Variants in VPS8 observed in about 807,000 individuals in gnomAD.
The protein encoded by VPS8 is vacuolar protein sorting-associated protein 8 homolog.
VPS8 carries 129 observed loss-of-function variants against 216.4 expected under a neutral mutation model. That is an observed-to-expected ratio of 0.60 (90% CI 0.52 to 0.69). The LOEUF is 0.69. VPS8 is among the 30% of genes least tolerant of loss of function. The pLI is 0.00. For synonymous variants in VPS8, 571 were observed against 565.4 expected, an observed-to-expected ratio of 1.01 and a Z score of -0.14; for missense variants, 1,531 against 1,683.5, an observed-to-expected ratio of 0.91 and a Z score of 1.59.
chr3:184,884,486 T>C (rs990990551), intron 21 of VPS8, among the ~76,000 whole-genome samples: 1 of 152,214 alleles, frequency 6.6e-6, no homozygotes, highest in African/African-American at 2.4e-5. Flanking sequence ...ACTAAGGAGA[T>C]AGTATAAATT....
At chr3:184,938,377 CAAAT>C (rs1230739300) in intron 35 of VPS8, among the ~76,000 whole-genome samples, 4 of 152,146 alleles carry the variant, frequency 2.6e-5, no homozygotes, top group African/African-American at 7.2e-5. Flanking sequence ...AGGAAGAAGA[CAAAT>C]AAGCCAAAAG....
chr3:184,893,147 A>G (rs1385781580), intron 22 of VPS8: 1 of 620,962 alleles, frequency 1.6e-6, no homozygotes, highest in East Asian at 1.4e-4. Flanking sequence ...GATTTTCCCT[A>G]GAATGTTGCA....
chr3:184,918,879 C>T (rs1051373681), intron 28 of VPS8, among the ~76,000 whole-genome samples: 2 of 152,190 alleles, frequency 1.3e-5, no homozygotes, highest in Non-Finnish European at 2.9e-5. Flanking sequence ...TGTAGTCCGT[C>T]TTCCTATCTT....
intron 40 of VPS8, 80 bp downstream of exon 40, chr3:184,971,832 T>G: frequency 8.5e-7 from 1 of 1,182,980 alleles, no homozygotes; most frequent in Non-Finnish European, 1.2e-6. Flanking sequence ...CCCAGCACTT[T>G]GGGAGGCCGA....
intron 46 of VPS8, among the ~76,000 whole-genome samples, chr3:185,034,054 C>T (rs1758537742): frequency 6.6e-6 from 1 of 152,168 alleles, no homozygotes; most frequent in South Asian, 2.1e-4. Context: ...ACCCCCCACC[C>T]TCTAGTATTC....
At chr3:184,892,539 C>T (rs1374442042) in intron 22 of VPS8, among the ~76,000 whole-genome samples, 1 of 152,166 alleles carries the variant, frequency 6.6e-6, no homozygotes, top group South Asian at 2.1e-4. Context: ...ACTTTTCTAT[C>T]TCCCCTCTTT....
At chr3:184,970,598 G>A (rs570995798) in intron 39 of VPS8, among the ~76,000 whole-genome samples, 5 of 152,290 alleles carry the variant, frequency 3.3e-5, no homozygotes, top group East Asian at 3.9e-4. Flanking sequence ...AGTAATCAGC[G>A]AGTAAAAAAG....
chr3:184,924,510 C>T (rs1273968517), intron 29 of VPS8, among the ~76,000 whole-genome samples: 1 of 150,072 alleles, frequency 6.7e-6, no homozygotes, highest in African/African-American at 2.5e-5. Context: ...GAACGAGACT[C>T]CATCTCAAAA....
intron 22 of VPS8, among the ~76,000 whole-genome samples, chr3:184,891,982 A>G (rs997629482): frequency 6.6e-6 from 1 of 152,210 alleles, no homozygotes; most frequent in Admixed American, 6.5e-5. Context: ...GTTATAAATG[A>G]TAAACTTCAA....
chr3:184,889,820 G>A (rs1336437102), intron 22 of VPS8, among the ~76,000 whole-genome samples: 2 of 152,092 alleles, frequency 1.3e-5, no homozygotes, highest in Non-Finnish European at 2.9e-5. Flanking sequence ...TCATCAGAAT[G>A]TTAAGATTCT....
chr3:184,818,521 CAAAAAAAA>C (rs11310520), intron 1 of VPS8, among the ~76,000 whole-genome samples: 1 of 89,286 alleles, frequency 1.1e-5, no homozygotes, highest in Non-Finnish European at 2.4e-5. Context: ...GAACCTGTCT[CAAAAAAAA>C]AAAAAAAAAA....
At chr3:184,906,349 G>A (rs1345067908) in intron 25 of VPS8, among the ~76,000 whole-genome samples, 2 of 152,126 alleles carry the variant, frequency 1.3e-5, no homozygotes, top group African/African-American at 2.4e-5. Flanking sequence ...TGTAAGGTCT[G>A]TTCTCTAGAA....
chr3:184,886,437 A>G (rs1449162976), intron 22 of VPS8, among the ~76,000 whole-genome samples: 2 of 152,030 alleles, frequency 1.3e-5, no homozygotes, highest in East Asian at 3.9e-4. Flanking sequence ...TTTAAAAGTA[A>G]AAAGTGTATG....
intron 36 of VPS8, among the ~76,000 whole-genome samples, chr3:184,942,674 T>G (rs1238873325): frequency 1.3e-5 from 2 of 152,196 alleles, no homozygotes; most frequent in African/African-American, 2.4e-5. Context: ...ATTCTTGGAT[T>G]CATCATATTT....
chr3:184,967,635 C>T lies in VPS8; in HGVS notation c.3316+922C>T, dbSNP rs562120442. 1.3e-4 allele frequency among the ~76,000 whole-genome samples: 20 copies of T among 152,038 alleles called. No homozygotes were observed. The South Asian group carries it at 1.5e-3, about 11-fold the overall frequency. On this transcript the variant is annotated intron_variant, in intron 39 of 47. Transcript: ENST00000625842. Reference sequence around the variant, plus strand: ...GGTGGATCACCTGAGGTCAGGAGTTCGAGATCAGCCTGGCCAACATAGTGA... The same window carrying T: ...GGTGGATCACCTGAGGTCAGGAGTTTGAGATCAGCCTGGCCAACATAGTGA...
At chr3:184,826,369 T>A in intron 3 of VPS8, 138 bp downstream of exon 3, 1 of 517,196 alleles carries the variant, frequency 1.9e-6, no homozygotes, top group Non-Finnish European at 3.2e-6. Flanking sequence ...GTTTAAAATT[T>A]AAATTAATTA....
intron 42 of VPS8, among the ~76,000 whole-genome samples, chr3:184,989,016 T>G (rs893476595): frequency 1.3e-5 from 2 of 152,220 alleles, no homozygotes; most frequent in African/African-American, 4.8e-5. Context: ...TATAATCACT[T>G]AATTGTTTCA....
intron 36 of VPS8, among the ~76,000 whole-genome samples, chr3:184,946,335 A>G (rs1170857396): frequency 6.6e-6 from 1 of 152,190 alleles, no homozygotes; most frequent in Non-Finnish European, 1.5e-5. Context: ...TCAAAGTTAA[A>G]CTGTAAATTA....
At chr3:185,026,570 C>T (rs1460813029) in intron 46 of VPS8, among the ~76,000 whole-genome samples, 2 of 151,842 alleles carry the variant, frequency 1.3e-5, no homozygotes, top group African/African-American at 4.8e-5. Context: ...CACCACCACA[C>T]CCAGCCAGTT....
Sources: allele counts gnomAD v4.1 joint callset (sites outside exome capture counted in the v4.1 genomes callset), GRCh38; gene constraint gnomAD v4.1.1; transcripts MANE v1.5; gene names NCBI Gene and HGNC (gene_info 2026-07-23, HGNC 2026-07-21).